The following TFEC variants were observed in gnomAD, a reference collection of about 807,000 sequenced individuals.
TFEC encodes transcription factor EC.
A neutral mutation model predicts 41.6 loss-of-function variants in TFEC; 31 were observed. The observed-to-expected ratio is 0.74, with a 90% confidence interval of 0.56 to 1.01. The LOEUF (loss-of-function observed/expected upper bound fraction) is 1.01, where lower values mean the gene tolerates loss of function less well. TFEC is among the 50% of genes least tolerant of loss of function. The pLI is 0.00. For synonymous variants in TFEC, 143 were observed against 140.6 expected (o/e 1.02, Z -0.12); for missense variants, 402 against 404.1 (o/e 0.99, Z 0.04).
At chr7:116,067,371 T>C (rs1796718103) in intron 3 of TFEC, among the ~76,000 whole-genome samples, 1 of 152,024 alleles carries the variant, frequency 6.6e-6, no homozygotes, top group Non-Finnish European at 1.5e-5. Flanking sequence ...GAAAACATAA[T>C]GGCACCTCCA....
rs200802317 is a variant in TFEC at position 116,081,316 on chromosome 7, AT to A, written c.198+29391del. Among the ~76,000 whole-genome samples, 907 of 151,954 alleles carry A rather than the reference AT, an allele frequency of 6.0e-3. 6 individuals are homozygous for A. Among genetic ancestry groups the A allele is most frequent in the Non-Finnish European group, 6.9e-3 (466 of 67,904 alleles). ...CCAAAATCTCAGAAATAAAAAAAAA[AT>A]AAGTCCATCTCATTATCTTCCCACA... On this transcript the variant is annotated intron_variant, in intron 3 of 8. Transcript: ENST00000484212.
chr7:115,957,433 T>C (rs371045914), intron 3 of TFEC, among the ~76,000 whole-genome samples: 12 of 152,058 alleles, frequency 7.9e-5, no homozygotes, highest in Admixed American at 6.6e-4. Context: ...CATCCAATTA[T>C]AGCAACACTG....
chr7:116,098,214 C>A (rs2115919909), intron 3 of TFEC, among the ~76,000 whole-genome samples: 1 of 151,964 alleles, frequency 6.6e-6, no homozygotes, highest in East Asian at 1.9e-4. Context: ...GGCTGGAGTG[C>A]AGTGTCACGA....
intron 1 of TFEC, among the ~76,000 whole-genome samples, chr7:115,997,972 A>G (rs10238185): frequency 0.71 from 108,186 of 151,882 alleles, 38,681 homozygotes; most frequent in African/African-American, 0.79. Flanking sequence ...ATAACCTCCA[A>G]AGGGAAAATC....
intron 3 of TFEC, among the ~76,000 whole-genome samples, chr7:116,085,892 T>C (rs925234780): frequency 6.6e-6 from 1 of 152,048 alleles, no homozygotes; most frequent in East Asian, 1.9e-4. Context: ...TCCAAAGTTA[T>C]TAAATGTATC....
intron 1 of TFEC, among the ~76,000 whole-genome samples, chr7:116,159,211 T>C (rs1798927070): frequency 6.6e-6 from 1 of 151,988 alleles, no homozygotes; most frequent in Admixed American, 6.6e-5. Context: ...TTTACTAAAT[T>C]ATGAAATTCA....
Position 116,086,486 on chromosome 7 carries a change from T to G in TFEC, c.198+24222A>C, listed in dbSNP as rs377192187. On this transcript the variant is annotated intron_variant, in intron 3 of 8. Coordinates refer to the TFEC transcript ENST00000484212. Reference sequence around the variant, plus strand: ...GGCATAAAGATCAAATCAGGATATTTAGGTGTGTGAGGTGTGACCACGAGT... The same window carrying G: ...GGCATAAAGATCAAATCAGGATATTGAGGTGTGTGAGGTGTGACCACGAGT... Among the ~76,000 whole-genome samples, 39 of 152,052 alleles carry G rather than the reference T, an allele frequency of 2.6e-4. No individual in the cohort carries two copies. In the South Asian group the frequency reaches 7.9e-3, roughly 31 times the overall value.
At chr7:116,042,475 T>C (rs970026433) in intron 3 of TFEC, among the ~76,000 whole-genome samples, 3 of 152,100 alleles carry the variant, frequency 2.0e-5, no homozygotes, top group African/African-American at 7.3e-5. Flanking sequence ...GAATATTAAG[T>C]GTTTAGTTGA....
In TFEC at chr7:115,941,920, A is replaced by T; in HGVS notation, c.636T>A (p.Ala212=). ...LEHRQKKLEQ[A]NRRLLLRIQE... is the part of the protein sequence containing the mutation. ...GAATCCGAAGTAGAAGTCGCCTGTT[A>T]GCCTGCTCTAATTTCTTCTGTCTGT... The change falls in exon 7 of 8, where the codon GCT becomes GCA. Residue 212 remains alanine, a synonymous_variant. Transcript: ENST00000265440. 1.9e-6 allele frequency: 3 copies of T among 1,613,222 alleles called. No individual in the cohort carries two copies. The highest frequency in any genetic ancestry group is 2.5e-6 in the Non-Finnish European group (3 of 1,179,448).
chr7:116,009,711 T>C (rs1224611720), intron 1 of TFEC, among the ~76,000 whole-genome samples: 1 of 152,136 alleles, frequency 6.6e-6, no homozygotes, highest in Non-Finnish European at 1.5e-5. Flanking sequence ...TTCTTGCTAG[T>C]AAATTCACTG....
intron 3 of TFEC, among the ~76,000 whole-genome samples, chr7:115,965,547 A>G (rs926140851): frequency 6.6e-6 from 1 of 151,564 alleles, no homozygotes; most frequent in Non-Finnish European, 1.5e-5. Context: ...TGAAGTTACT[A>G]ATGTCTCCAA....
At chr7:116,037,735 T>A (rs2130912692) in intron 3 of TFEC, among the ~76,000 whole-genome samples, 1 of 152,090 alleles carries the variant, frequency 6.6e-6, no homozygotes, top group East Asian at 1.9e-4. Context: ...TCTAAAAGAC[T>A]AAAATTGAAA....
chr7:116,122,551 C>T (rs933020095), intron 1 of TFEC, among the ~76,000 whole-genome samples: 15 of 152,112 alleles, frequency 9.9e-5, no homozygotes, highest in African/African-American at 3.4e-4. Context: ...ATTCATTCAT[C>T]ACTGAATCAC....
At chr7:115,943,418 A>G (rs1021375672) in intron 6 of TFEC, among the ~76,000 whole-genome samples, 2 of 151,948 alleles carry the variant, frequency 1.3e-5, no homozygotes, top group African/African-American at 4.8e-5. Context: ...AGGACAGAGA[A>G]ACAGATTTAA....
chr7:116,063,500 T>C (rs977150792), intron 3 of TFEC, among the ~76,000 whole-genome samples: 7 of 152,106 alleles, frequency 4.6e-5, no homozygotes, highest in Non-Finnish European at 1.0e-4. Context: ...GTGCCTGTAG[T>C]CCCAGCTACT....
At position 115,974,214 on chromosome 7, in the gene TFEC, A is replaced by G. The variant is rs1295171602; in HGVS notation, c.223T>C (p.Phe75Leu). 6.3e-7 allele frequency: 1 copy of G among 1,595,728 alleles called. No homozygotes were observed. Among genetic ancestry groups the G allele is most frequent in the South Asian group, 1.1e-5 (1 of 87,922 alleles). ...IEDIIGMESS[F>L]KEEGADSPLL... ...GGAGAGTCTGCTCCTTCCTCTTTAA[A>G]ACTTGATTCCATACCGATTATATCC... The change falls in exon 3 of 8, where the codon TTT (phenylalanine) becomes CTT (leucine). Residue 75 changes from phenylalanine (F) to leucine (L), a missense_variant. Coordinates refer to ENST00000265440, the MANE Select transcript of TFEC (RefSeq NM_012252.4).
chr7:116,058,584 ATATACAC>A (rs1796481948), intron 3 of TFEC, among the ~76,000 whole-genome samples: 1 of 151,774 alleles, frequency 6.6e-6, no homozygotes, highest in Non-Finnish European at 1.5e-5. Context: ...ACAACAACAA[ATATACAC>A]TGTTTTCATG....
rs746186605 is a variant in TFEC, at chr7:115,940,859, G to A, written c.736C>T (p.His246Tyr). Reference sequence around the variant, plus strand: ...GGATGGCTCTGCTGTTTGGTGACATGAGCACCTAAATCAACCGTGCCAAGT... The same window carrying A: ...GGATGGCTCTGCTGTTTGGTGACATAAGCACCTAAATCAACCGTGCCAAGT... ...ASLGTVDLGAHVTKQQSHPEQ... is the reference protein window; with the variant it reads ...ASLGTVDLGAYVTKQQSHPEQ... Residue 246 changes from histidine to tyrosine, a missense_variant, in exon 8 of 8, where the codon CAT becomes TAT. Coordinates refer to ENST00000265440, the MANE Select transcript of TFEC (RefSeq NM_012252.4). 1.2e-5 allele frequency: 19 copies of A among 1,613,112 alleles called. No individual in the cohort carries two copies. The highest frequency in any genetic ancestry group is 1.4e-5 in the Non-Finnish European group (17 of 1,179,504).
chr7:116,039,445 GTGTGTC>G lies in TFEC; in HGVS notation c.199-54938_199-54933del, dbSNP rs1275791903. Among the ~76,000 whole-genome samples, 481 of 102,106 alleles carry G rather than the reference GTGTGTC, an allele frequency of 4.7e-3. 5 individuals carry two copies. The highest frequency in any genetic ancestry group is 0.015 in the African/African-American group (451 of 29,846). The allele number at this position is 102,106 out of a possible 152,430, so 67.0% of individuals were successfully genotyped here. ...TCTGTGTGTGTGTGTGTGTGTGTGT[GTGTGTC>G]TGTGTGTGTGTGTGTTCATCAGTAT... On this transcript the variant is annotated intron_variant, in intron 3 of 8. Transcript: ENST00000484212.
Sources: gnomAD v4.1 joint callset for allele counts (sites outside exome capture counted in the v4.1 genomes callset) on GRCh38, gnomAD v4.1.1 for gene constraint, MANE v1.5 for transcripts, NCBI Gene and HGNC (gene_info 2026-07-23, HGNC 2026-07-21) for gene names.